The following ENPEP variants were observed in gnomAD, a reference collection of about 807,000 sequenced individuals.
ENPEP encodes the protein AP-A.
Under a neutral mutation model 114.5 loss-of-function variants are expected in ENPEP, and 103 were observed. That is an observed-to-expected ratio of 0.90 (90% CI 0.77 to 1.06). The LOEUF (loss-of-function observed/expected upper bound fraction) is 1.06, where lower values mean the gene tolerates loss of function less well. ENPEP is among the 50% of genes least tolerant of loss of function. The probability of loss-of-function intolerance (pLI) is 0.00; values close to 1 mark genes in which losing one functional copy is unlikely to be tolerated. For missense variants in ENPEP, 1,196 were observed against 1,161.3 expected (o/e 1.03, Z -0.43); for synonymous variants, 420 against 422.0 (o/e 1.00, Z 0.06).
intron 4 of ENPEP, 133 bp downstream of exon 4, chr4:110,506,890 C>A (rs1460120289): frequency 2.3e-6 from 2 of 873,944 alleles, no homozygotes; most frequent in Non-Finnish European, 3.3e-6. Context: ...CCGACAATAT[C>A]TTGGGCTCAA....
intron 3 of ENPEP, among the ~76,000 whole-genome samples, chr4:110,493,001 TA>T (rs1355740656): frequency 1.3e-5 from 2 of 152,200 alleles, no homozygotes; most frequent in African/African-American, 4.8e-5. Flanking sequence ...GCAATTGTAC[TA>T]AAGATGACAA....
chr4:110,482,417 A>T (rs1322318238), intron 1 of ENPEP, among the ~76,000 whole-genome samples: 1 of 152,172 alleles, frequency 6.6e-6, no homozygotes, highest in Non-Finnish European at 1.5e-5. Context: ...TCAGTGTCAG[A>T]TGTGTTGATG....
intron 1 of ENPEP, among the ~76,000 whole-genome samples, chr4:110,483,204 A>C (rs1168304813): frequency 6.6e-6 from 1 of 152,152 alleles, no homozygotes; most frequent in Non-Finnish European, 1.5e-5. Context: ...CCATAAAAAT[A>C]CATAGAGGTC....
chr4:110,545,003 G>A (rs952278793), intron 13 of ENPEP, among the ~76,000 whole-genome samples: 1 of 152,076 alleles, frequency 6.6e-6, no homozygotes, highest in African/African-American at 2.4e-5. Context: ...CAGCACATGA[G>A]GAAAATGGGA....
chr4:110,510,537 C>T (rs1046571174), intron 6 of ENPEP, among the ~76,000 whole-genome samples, 179 bp downstream of exon 6: 8 of 151,558 alleles, frequency 5.3e-5, no homozygotes, highest in African/African-American at 1.7e-4. Flanking sequence ...GCCCCAGTAC[C>T]TAGAAGGGCA....
At chr4:110,507,370 T>G (rs545229079) in intron 4 of ENPEP, among the ~76,000 whole-genome samples, 3 of 152,342 alleles carry the variant, frequency 2.0e-5, no homozygotes, top group Admixed American at 6.5e-5. Flanking sequence ...GTGGAAATGC[T>G]TTATTAATAA....
chr4:110,522,817 A>G (rs1726052575), intron 10 of ENPEP, among the ~76,000 whole-genome samples: 1 of 152,268 alleles, frequency 6.6e-6, no homozygotes, highest in Admixed American at 6.5e-5. Context: ...AGACGCTTTC[A>G]GAAATGCAGC....
At chr4:110,505,845 G>A (rs1399834756) in intron 3 of ENPEP, among the ~76,000 whole-genome samples, 6 of 152,134 alleles carry the variant, frequency 3.9e-5, no homozygotes, top group Non-Finnish European at 8.8e-5. Context: ...TTCTTTTCCA[G>A]AGACCACATC....
chr4:110,491,234 A>ATTTT, intron 3 of ENPEP, 70 bp downstream of exon 3: 1 of 917,104 alleles, frequency 1.1e-6, no homozygotes, highest in Non-Finnish European at 1.5e-6. Context: ...TTTTTTGGGT[A>ATTTT]GTTTTTTTTT....
chr4:110,526,618 G>A (rs1726204108), intron 10 of ENPEP, among the ~76,000 whole-genome samples: 1 of 152,156 alleles, frequency 6.6e-6, no homozygotes, highest in Admixed American at 6.6e-5. Context: ...TAAAGATTTT[G>A]AAAATAGTAT....
chr4:110,510,181 T>C, intron 5 of ENPEP, 64 bp from the exon 6 acceptor site: 1 of 1,358,902 alleles, frequency 7.4e-7, no homozygotes, highest in South Asian at 1.2e-5. Flanking sequence ...TGTTTTGACA[T>C]TTTCTAGGCC....
At position 110,477,684 on chromosome 4, in the gene ENPEP, T is replaced by G. The variant is rs72666187; in HGVS notation, c.644+626T>G. Among the ~76,000 whole-genome samples the G allele has an allele frequency of 8.9e-3, 1,356 of 152,246 alleles. 15 individuals carry two copies. Among genetic ancestry groups the G allele is most frequent in the Non-Finnish European group, 0.015 (1,040 of 68,020 alleles). ...CACATAGGCTTTCAGGAAATATTCA[T>G]TGAGTCCACACATCAGTGGCATAGG... On this transcript the variant is annotated intron_variant, in intron 1 of 19. Coordinates refer to ENST00000265162, the MANE Select transcript of ENPEP (RefSeq NM_001977.4).
chr4:110,513,720 T>C (rs1396234762), intron 7 of ENPEP, among the ~76,000 whole-genome samples, 171 bp downstream of exon 7: 2 of 152,200 alleles, frequency 1.3e-5, no homozygotes, highest in African/African-American at 4.8e-5. Flanking sequence ...CAGTATAATT[T>C]AGTGCTGGTC....
intron 11 of ENPEP, among the ~76,000 whole-genome samples, chr4:110,540,368 T>C (rs1426685260): frequency 6.6e-6 from 1 of 152,146 alleles, no homozygotes; most frequent in Non-Finnish European, 1.5e-5. Flanking sequence ...TTATACTTTT[T>C]TGCATTTTCC....
intron 3 of ENPEP, among the ~76,000 whole-genome samples, chr4:110,496,859 T>A (rs1167475473): frequency 6.6e-6 from 1 of 152,228 alleles, no homozygotes; most frequent in Non-Finnish European, 1.5e-5. Flanking sequence ...CTAACTTTGA[T>A]CACTTGGTTG....
At chr4:110,557,380 A>C (rs1370212717) in intron 18 of ENPEP, among the ~76,000 whole-genome samples, 1 of 152,220 alleles carries the variant, frequency 6.6e-6, no homozygotes, top group African/African-American at 2.4e-5. Context: ...ATGGATCTGG[A>C]AATTACCTAG....
At chr4:110,523,915 A>G (rs907471908) in intron 10 of ENPEP, among the ~76,000 whole-genome samples, 1 of 152,182 alleles carries the variant, frequency 6.6e-6, no homozygotes. Flanking sequence ...CGTTTTGCCC[A>G]TATGAAAACT....
intron 3 of ENPEP, among the ~76,000 whole-genome samples, chr4:110,491,842 T>C (rs919731004): frequency 4.0e-5 from 6 of 150,672 alleles, no homozygotes; most frequent in African/African-American, 1.5e-4. Flanking sequence ...TGCCTCAGCC[T>C]CCTGAGTAGC....
Position 110,520,285 on chromosome 4 carries a change from T to A in ENPEP, c.1646T>A (p.Val549Glu). 2 of 1,614,066 alleles carry A rather than the reference T, an allele frequency of 1.2e-6. No homozygotes were observed. Among genetic ancestry groups the A allele is most frequent in the Middle Eastern group, 1.6e-4 (1 of 6,062 alleles). The change falls in exon 10 of 20, where the codon GTG (valine) becomes GAG (glutamate). Residue 549 changes from valine (V) to glutamate (E), a missense_variant. Val to Glu is a moderately radical substitution (Grantham distance 121). Coordinates refer to ENST00000265162, the MANE Select transcript of ENPEP (RefSeq NM_001977.4). ...TRQMGYPVLN[V>E]NGVKNITQKR... ...CAGATGGGTTATCCTGTGCTTAACG[T>A]GAACGGTGTCAAGAACATCACACAG...
Sources: allele counts gnomAD v4.1 joint callset (sites outside exome capture counted in the v4.1 genomes callset), GRCh38; gene constraint gnomAD v4.1.1; transcripts MANE v1.5; gene names NCBI Gene and HGNC (gene_info 2026-07-23, HGNC 2026-07-21).